The following TTC32 variants were observed in gnomAD, a reference collection of about 807,000 sequenced individuals.
TTC32 encodes tetratricopeptide repeat domain 32, also known as tetratricopeptide repeat protein 32.
TTC32 carries 16 observed loss-of-function variants against 15.3 expected under a neutral mutation model. The observed-to-expected ratio is 1.05, with a 90% CI of 0.71 to 1.59. The LOEUF (loss-of-function observed/expected upper bound fraction) is 1.59, where lower values mean the gene tolerates loss of function less well. TTC32 is among the 40% of genes most tolerant of loss of function. TTC32 has a pLI of 0.00. For synonymous variants in TTC32, 89 were observed against 67.8 expected, an observed-to-expected ratio of 1.31 and a Z score of -1.53; for missense variants, 188 against 181.9, an observed-to-expected ratio of 1.03 and a Z score of -0.19.
Position 19,897,958 on chromosome 2 carries a change from T to C in TTC32, c.227A>G (p.Glu76Gly), listed in dbSNP as rs1669536959. 6.2e-7 allele frequency: 1 copy of C among 1,612,310 alleles called. No homozygotes were observed. Among genetic ancestry groups the C allele is most frequent in the Non-Finnish European group, 8.5e-7 (1 of 1,178,720 alleles). Residue 76 changes from glutamate to glycine, a missense_variant, in exon 2 of 3, where the codon GAA becomes GGA. Glu to Gly is a moderately conservative substitution (Grantham distance 98, BLOSUM62 -2). Transcript: ENST00000333610. Reference protein sequence around the residue: ...QIKYFRVDFYEAMDDYTSAIE... With the variant: ...QIKYFRVDFYGAMDDYTSAIE... ...GGCAGATGTGTAGTCATCCATGGCT[T>C]CATAAAAATCAACCCTGAAGTACTT...
intron 1 of TTC32, among the ~76,000 whole-genome samples, chr2:19,898,840 C>A (rs1669552777): frequency 6.6e-6 from 1 of 151,648 alleles, no homozygotes; most frequent in African/African-American, 2.4e-5. Flanking sequence ...GAACCTTTCT[C>A]TGCACAGGAC....
intron 2 of TTC32, among the ~76,000 whole-genome samples, chr2:19,897,523 C>G (rs1404408979): frequency 6.6e-6 from 1 of 152,206 alleles, no homozygotes; most frequent in Non-Finnish European, 1.5e-5. Context: ...CTAAACTTCA[C>G]TTTCTATTGT....
chr2:19,900,900 G>T, intron 1 of TTC32: 1 of 318,634 alleles, frequency 3.1e-6, no homozygotes, highest in Non-Finnish European at 6.5e-6. Flanking sequence ...CCAAAACACG[G>T]AAATTCAAAG....
chr2:19,900,544 A>G (rs529135500), intron 1 of TTC32, among the ~76,000 whole-genome samples: 167 of 152,340 alleles, frequency 1.1e-3, no homozygotes, highest in Non-Finnish European at 7.8e-4. Context: ...AAAGCTGTTC[A>G]ACCAACCCCT....
intron 1 of TTC32, among the ~76,000 whole-genome samples, chr2:19,899,962 G>A (rs1669574549): frequency 6.6e-6 from 1 of 152,134 alleles, no homozygotes; most frequent in South Asian, 2.1e-4. Context: ...TGAGTTCCTA[G>A]AATTTTATCA....
chr2:19,901,727 GA>G lies in TTC32; in HGVS notation c.127del (p.Ser43ProfsTer43). On this transcript the variant is annotated frameshift_variant, in exon 1 of 3. Transcript: ENST00000333610. LOFTEE classifies it high-confidence loss of function. ...TTACCTCCCGGGACTCTCGTCGCTG[GA>G]GGCCGCGCAAGCGCACCGGCGAATG... Reference protein sequence around the residue: ...AYIRRCACAASSDESPGSKCS... With the variant: ...AYIRRCACAAXSDESPGSKCS... 6.2e-7 allele frequency: 1 copy of G among 1,613,490 alleles called. No homozygotes were observed. The highest frequency in any genetic ancestry group is 8.5e-7 in the Non-Finnish European group (1 of 1,179,538).
At chr2:19,898,124 C>T (rs1669541164) in intron 1 of TTC32, 89 bp from the exon 2 acceptor site, 1 of 1,234,444 alleles carries the variant, frequency 8.1e-7, no homozygotes, top group Admixed American at 2.4e-5. Flanking sequence ...TGTCAAACTT[C>T]ACAGCCTATA....
chr2:19,901,014 C>A (rs1322027284), intron 1 of TTC32: 1 of 462,198 alleles, frequency 2.2e-6, no homozygotes, highest in Non-Finnish European at 4.5e-6. Context: ...GAAAAGGGAA[C>A]CAAAGAACAA....
intron 2 of TTC32, 84 bp downstream of exon 2, chr2:19,897,785 C>T (rs1380649133): frequency 7.2e-6 from 8 of 1,116,706 alleles, no homozygotes; most frequent in South Asian, 2.1e-5. Flanking sequence ...AATTTGATTA[C>T]CACGTTAGTT....
intron 1 of TTC32, among the ~76,000 whole-genome samples, chr2:19,899,722 A>G (rs1003240932): frequency 2.1e-4 from 31 of 150,822 alleles, no homozygotes; most frequent in African/African-American, 7.3e-4. Flanking sequence ...TTTTATATAT[A>G]AAGTGTGTGT....
chr2:19,899,383 A>G (rs1669564445), intron 1 of TTC32, among the ~76,000 whole-genome samples: 1 of 152,216 alleles, frequency 6.6e-6, no homozygotes, highest in African/African-American at 2.4e-5. Flanking sequence ...TTAGTCATTA[A>G]ATCGAAGTTT....
intron 1 of TTC32, 46 bp downstream of exon 1, chr2:19,901,660 C>G: frequency 1.9e-6 from 3 of 1,587,190 alleles, no homozygotes; most frequent in South Asian, 1.1e-5. Context: ...ACCCCAACGT[C>G]GCCTCCACCC....
At chr2:19,900,068 C>T (rs1412081683) in intron 1 of TTC32, among the ~76,000 whole-genome samples, 3 of 152,178 alleles carry the variant, frequency 2.0e-5, no homozygotes, top group South Asian at 4.1e-4. Flanking sequence ...CCTTCTACTG[C>T]GCTATGACAA....
In TTC32 at chr2:19,901,945, T is replaced by C; in HGVS notation, c.-91A>G. On this transcript the variant is annotated 5_prime_UTR_variant, in exon 1 of 3. Coordinates refer to ENST00000333610, the MANE Select transcript of TTC32 (RefSeq NM_001008237.3). ...ACAAAGCCACTTCCACACCCTGGAA[T>C]CTACCTTGACAGCCAACCTTGGCGC... 2 of 1,509,328 alleles carry C rather than the reference T, an allele frequency of 1.3e-6. No individual in the cohort carries two copies. Among genetic ancestry groups the C allele is most frequent in the Non-Finnish European group, 1.8e-6 (2 of 1,104,672 alleles). 93.5% of individuals were successfully genotyped at this position (1,509,328 alleles called of 1,614,324 possible). A position where few individuals can be genotyped will look rare whatever the true frequency, so the allele number is the denominator to read the frequency against.
chr2:19,898,551 G>A (rs950949654), intron 1 of TTC32: 6 of 152,208 alleles, frequency 3.9e-5, no homozygotes, highest in African/African-American at 1.2e-4. Context: ...AACATGCTAC[G>A]ATCCCCAGGA....
chr2:19,901,338 C>G, intron 1 of TTC32: 1 of 312,040 alleles, frequency 3.2e-6, no homozygotes, highest in South Asian at 2.5e-5. Context: ...CAGCTAAAAT[C>G]ACGAGTGGAA....
In TTC32 at chr2:19,896,702, A is replaced by G. The variant is rs1669516021; in HGVS notation, c.*285T>C. 1 of 156,374 alleles carries G rather than the reference A, an allele frequency of 6.4e-6. No homozygotes were observed. The allele number at this position is 156,374 out of a possible 1,614,324, so 9.7% of individuals were successfully genotyped here. On this transcript the variant is annotated 3_prime_UTR_variant, in exon 3 of 3. Coordinates refer to ENST00000333610, the MANE Select transcript of TTC32 (RefSeq NM_001008237.3). ...GTAACATTTTTTAAATAAAAAGTTG[A>G]GAATAAAAAAATCACAAAAATAGTT... is the stretch of plus-strand genomic sequence containing the variant.
intron 2 of TTC32, 119 bp downstream of exon 2, chr2:19,897,750 A>G: frequency 1.2e-6 from 1 of 852,760 alleles, no homozygotes; most frequent in Non-Finnish European, 1.7e-6. Flanking sequence ...TCCAAGCTCT[A>G]AACCTAAATT....
Position 19,898,024 on chromosome 2 carries a change from G to A in TTC32, c.161C>T (p.Pro54Leu). Reference protein sequence around the residue: ...SDESPGSKCSPEDLATAYNNR... With the variant: ...SDESPGSKCSLEDLATAYNNR... ...GTTATATGCAGTAGCCAAATCCTCAGGGCTGCATTTGCTTTAAACAAAAAG... is the reference window on the plus strand; with the variant it reads ...GTTATATGCAGTAGCCAAATCCTCAAGGCTGCATTTGCTTTAAACAAAAAG... Residue 54 changes from proline to leucine, a missense_variant, in exon 2 of 3, where the codon CCT becomes CTT. By Grantham distance (98) the Pro-to-Leu change is moderately conservative. Coordinates refer to ENST00000333610, the MANE Select transcript of TTC32 (RefSeq NM_001008237.3). 1 of 1,534,262 alleles carries A rather than the reference G, an allele frequency of 6.5e-7. No individual in the cohort carries two copies. Among genetic ancestry groups the A allele is most frequent in the Non-Finnish European group, 8.8e-7 (1 of 1,132,456 alleles).
Sources: allele counts gnomAD v4.1 joint callset (sites outside exome capture counted in the v4.1 genomes callset), GRCh38; gene constraint gnomAD v4.1.1; transcripts MANE v1.5; gene names NCBI Gene and HGNC (gene_info 2026-07-23, HGNC 2026-07-21).